Variants in RPH3AL observed in about 807,000 individuals in gnomAD.
The protein encoded by RPH3AL is rabphilin 3A like (without C2 domains).
In RPH3AL, 38 loss-of-function variants were observed where a neutral mutation model predicts 43.1. The ratio of observed to expected loss-of-function variants is 0.88; its 90% CI spans 0.68 to 1.15. RPH3AL has a LOEUF of 1.15. Among genes scored for constraint, RPH3AL ranks in the 50% most tolerant of loss-of-function variants. The pLI, the probability that RPH3AL is intolerant of heterozygous loss-of-function variation, is 0.00. For missense variants in RPH3AL, 462 were observed against 423.2 expected, an observed-to-expected ratio of 1.09 and a Z score of -0.81; for synonymous variants, 189 against 176.3, an observed-to-expected ratio of 1.07 and a Z score of -0.57.
At position 227,071 on chromosome 17, in the gene RPH3AL, G is replaced by A. The variant is rs909825859; in HGVS notation, c.614-7335C>T. Among the ~76,000 whole-genome samples the A allele has an allele frequency of 3.3e-5, 5 of 152,296 alleles. No homozygotes were observed. In the East Asian group the frequency reaches 5.8e-4, roughly 18 times the overall value. ...CCGGGTGCCGCCGAGAGGCAGGGGT[G>A]GGGGAGAAGCTCCCCTCCTGGGCCC... On this transcript the variant is annotated intron_variant, in intron 7 of 9. Transcript: ENST00000331302.
chr17:215,577 C>T lies in RPH3AL; in HGVS notation c.876+77G>A, dbSNP rs1489095869. 2 of 1,193,810 alleles carry T rather than the reference C, an allele frequency of 1.7e-6. No homozygotes were observed. The highest frequency in any genetic ancestry group is 8.4e-5 in the Admixed American group (2 of 23,892). 74.0% of individuals were successfully genotyped at this position (1,193,810 alleles called of 1,614,324 possible). On this transcript the variant is annotated intron_variant, in intron 9 of 9. Transcript: ENST00000331302. The surrounding 1 kb of genome is among the most constrained non-coding windows in gnomAD (Gnocchi z 4.1). Reference sequence around the variant, plus strand: ...ATTGAAAACGTCACCGACCAGTCTCCAGTTTGGGAGGAGTGAGTGAGAGAG... The same window carrying T: ...ATTGAAAACGTCACCGACCAGTCTCTAGTTTGGGAGGAGTGAGTGAGAGAG...
chr17:233,673 C>T (rs564265761), intron 7 of RPH3AL, among the ~76,000 whole-genome samples: 1 of 152,212 alleles, frequency 6.6e-6, no homozygotes, highest in Non-Finnish European at 1.5e-5. Flanking sequence ...TTGCAACAGG[C>T]ACCCCTATTG....
At chr17:278,099 G>A (rs1041163800) in intron 6 of RPH3AL, among the ~76,000 whole-genome samples, 1 of 152,136 alleles carries the variant, frequency 6.6e-6, no homozygotes, top group Non-Finnish European at 1.5e-5. Flanking sequence ...TTGAACTGCA[G>A]CTCCCATAAT....
intron 5 of RPH3AL, among the ~76,000 whole-genome samples, chr17:300,840 A>G (rs1333336678): frequency 2.1e-5 from 3 of 141,424 alleles, no homozygotes; most frequent in Admixed American, 2.1e-4. Context: ...GGGCTGGCCC[A>G]GCCTAGGCCT....
intron 7 of RPH3AL, among the ~76,000 whole-genome samples, chr17:244,340 C>A (rs536899943): frequency 3.4e-4 from 52 of 151,986 alleles, no homozygotes; most frequent in African/African-American, 1.2e-3. Context: ...AATAGGGTGG[C>A]CTGGGATGCA....
chr17:327,543 TGGCTCGGAGCACCC>T lies in RPH3AL; in HGVS notation c.-14_-1del. ...CCGCTGCCGAAGATGGTGTCGGCCA[TGGCTCGGAGCACCC>T]GGCTGGGGGTGGGGAGTCACATCTG... is the stretch of plus-strand genomic sequence containing the variant. On this transcript the variant is annotated 5_prime_UTR_variant, in exon 3 of 10. Transcript: ENST00000331302. 1 of 1,613,660 alleles carries T rather than the reference TGGCTCGGAGCACCC, an allele frequency of 6.2e-7. No homozygotes were observed.
At position 323,867 on chromosome 17, in the gene RPH3AL, A is replaced by G. The variant is rs1418073859; in HGVS notation, c.78-2452T>C. ...CAGTCACCTTGCGAGGCAGGCCTGG[A>G]CCCTCAGTCACCCCCCAAGGCAGGC... On this transcript the variant is annotated intron_variant, in intron 3 of 9. Transcript: ENST00000331302. This position sits in a 1 kb window ranked among gnomAD's most constrained non-coding sequence, Gnocchi z 4.4. 6.8e-6 allele frequency among the ~76,000 whole-genome samples: 1 copy of G among 146,428 alleles called. No individual in the cohort carries two copies. The highest frequency in any genetic ancestry group is 1.5e-5 in the Non-Finnish European group (1 of 66,832).
At chr17:304,930 CG>C in intron 5 of RPH3AL, among the ~76,000 whole-genome samples, 2 of 95,962 alleles carry the variant, frequency 2.1e-5, no homozygotes, top group Admixed American at 1.2e-4. Context: ...AGGCACAGGG[CG>C]AGAGGGGGAC....
At chr17:281,019 G>A (rs2042766480) in intron 6 of RPH3AL, among the ~76,000 whole-genome samples, 1 of 152,042 alleles carries the variant, frequency 6.6e-6, no homozygotes, top group South Asian at 2.1e-4. Context: ...GCCTCCCCAG[G>A]GCACTTCCCA....
chr17:317,026 C>CCA (rs2044266271), intron 5 of RPH3AL, among the ~76,000 whole-genome samples: 2 of 139,822 alleles, frequency 1.4e-5, no homozygotes, highest in African/African-American at 2.6e-5. Context: ...TCTCTGTGCT[C>CCA]CACCTCCACT....
chr17:248,328 G>A (rs1479448797), intron 6 of RPH3AL, among the ~76,000 whole-genome samples: 1 of 152,148 alleles, frequency 6.6e-6, no homozygotes. Context: ...CACAGCCACT[G>A]GCTTTCCACC....
chr17:351,641 C>T (rs1435111756), intron 1 of RPH3AL, among the ~76,000 whole-genome samples: 2 of 152,268 alleles, frequency 1.3e-5, no homozygotes, highest in South Asian at 2.1e-4. Flanking sequence ...GGCCTCCACA[C>T]GCCACCAGCC....
intron 7 of RPH3AL, among the ~76,000 whole-genome samples, chr17:240,237 C>A (rs1384304750): frequency 4.6e-4 from 64 of 140,186 alleles, no homozygotes; most frequent in South Asian, 8.8e-4. Context: ...AACTCCATCT[C>A]AAAAAAAAAA....
At chr17:318,231 A>C (rs529995991) in intron 5 of RPH3AL, among the ~76,000 whole-genome samples, 1 of 151,908 alleles carries the variant, frequency 6.6e-6, no homozygotes, top group Admixed American at 6.6e-5. Context: ...AAAATTCAAA[A>C]ATTAGCCGGT....
chr17:342,759 T>C (rs1293117013), intron 1 of RPH3AL, among the ~76,000 whole-genome samples: 2 of 152,186 alleles, frequency 1.3e-5, no homozygotes, highest in African/African-American at 2.4e-5. Flanking sequence ...TTGGTGATGG[T>C]GATTAGAAGG....
chr17:314,154 C>T (rs781121827), intron 5 of RPH3AL, among the ~76,000 whole-genome samples: 1 of 152,184 alleles, frequency 6.6e-6, no homozygotes, highest in Admixed American at 6.5e-5. Flanking sequence ...ACACCAGCAG[C>T]GGCCTCTGCA....
At chr17:292,823 C>T (rs753943002) in intron 5 of RPH3AL, among the ~76,000 whole-genome samples, 1 of 152,242 alleles carries the variant, frequency 6.6e-6, no homozygotes, top group Non-Finnish European at 1.5e-5. Flanking sequence ...GGGCCAGCAG[C>T]GCTGGGAGCA....
chr17:325,019 C>A (rs549765550), intron 3 of RPH3AL, among the ~76,000 whole-genome samples: 2 of 152,198 alleles, frequency 1.3e-5, no homozygotes, highest in African/African-American at 4.8e-5. Context: ...CCAACACGAC[C>A]GGCTAATTTT....
rs977232988 is a variant in RPH3AL, at chr17:289,189, T to C, written c.352-7335A>G. ...GTAACAGGCCCCCCCACACCCCAGG[T>C]TGCAGATGAGGGGATCAAGGGAGAC... is the stretch of plus-strand genomic sequence containing the variant. On this transcript the variant is annotated intron_variant, in intron 5 of 9. Coordinates refer to ENST00000331302, the MANE Select transcript of RPH3AL (RefSeq NM_006987.4). This position sits in a 1 kb window ranked among gnomAD's most constrained non-coding sequence, Gnocchi z 5.2. 6.6e-6 allele frequency among the ~76,000 whole-genome samples: 1 copy of C among 152,024 alleles called. No homozygotes were observed. Among genetic ancestry groups the C allele is most frequent in the Non-Finnish European group, 1.5e-5 (1 of 67,994 alleles).
Sources: allele counts gnomAD v4.1 joint callset (sites outside exome capture counted in the v4.1 genomes callset), GRCh38; gene constraint gnomAD v4.1.1; non-coding constraint Gnocchi (gnomAD v3.1); transcripts MANE v1.5; gene names NCBI Gene and HGNC (gene_info 2026-07-23, HGNC 2026-07-21).